The following TP53I13 variants were observed in gnomAD, a reference collection of about 807,000 sequenced individuals.
The protein encoded by TP53I13 is tumor protein p53 inducible protein 13.
A neutral mutation model predicts 39.1 loss-of-function variants in TP53I13; 27 were observed. The observed-to-expected ratio is 0.69, with a 90% CI of 0.51 to 0.95. The LOEUF is 0.95. Among genes scored for constraint, TP53I13 ranks in the 40% least tolerant of loss-of-function variants. The pLI is 0.00. For missense variants in TP53I13, 544 were observed against 520.4 expected, an observed-to-expected ratio of 1.05 and a Z score of -0.44; for synonymous variants, 230 against 224.6, an observed-to-expected ratio of 1.02 and a Z score of -0.22.
chr17:29,578,446 G>A, the TP53I13 span: 2 of 1,389,142 alleles, frequency 1.4e-6, no homozygotes, highest in Non-Finnish European at 1.0e-6. Flanking sequence ...CCAGCATGTT[G>A]TGAGCCTTGG....
the TP53I13 span, chr17:29,578,611 G>A: frequency 2.1e-6 from 2 of 966,584 alleles, no homozygotes; most frequent in Middle Eastern, 2.6e-4. Flanking sequence ...GGCCAGTGAG[G>A]GGACAGGTCA....
the TP53I13 span, chr17:29,581,179 G>A: frequency 1.5e-6 from 1 of 651,114 alleles, no homozygotes; most frequent in Non-Finnish European, 2.8e-6. The surrounding 1 kb of genome is among the most constrained non-coding windows in gnomAD (Gnocchi z 4.8). Flanking sequence ...ACCTGCCTTG[G>A]GGCCCAGCAT....
At chr17:29,574,393 G>A (rs181408672), downstream of TP53I13, 293 of 406,652 alleles carry the variant, frequency 7.2e-4, 2 homozygotes, top group African/African-American at 5.6e-3. Context: ...CCCCTTTGCT[G>A]AGGGTGCCCT....
upstream of TP53I13, chr17:29,568,680 G>C (rs2032796237): frequency 1.0e-6 from 1 of 955,722 alleles, no homozygotes; most frequent in South Asian, 4.7e-5. The surrounding 1 kb of genome is among the most constrained non-coding windows in gnomAD (Gnocchi z 4.5). Context: ...CGGGGGCGCT[G>C]GGGCTGGAGG....
Position 29,572,682 on chromosome 17 carries a change from C to T in TP53I13, c.1054C>T (p.Gln352Ter). 1 of 1,563,614 alleles carries T rather than the reference C, an allele frequency of 6.4e-7. No homozygotes were observed. The highest frequency in any genetic ancestry group is 8.7e-7 in the Non-Finnish European group (1 of 1,154,252). The change falls in exon 6 of 7, where the codon CAG becomes TAG. Residue 352 changes from glutamine (Q) to a stop codon, truncating the protein, a stop_gained. Transcript: ENST00000301057. LOFTEE classifies it high-confidence loss of function. ...CTACTGGGGGCCCACAGCGGACAGCCAGGACACAGTGGCTGGTGAGGAGTT... is the reference window on the plus strand; with the variant it reads ...CTACTGGGGGCCCACAGCGGACAGCTAGGACACAGTGGCTGGTGAGGAGTT... ...SIYWGPTADS[Q>*]DTVAAVLKRR... is the part of the protein sequence containing the mutation.
chr17:29,579,933 T>G, the TP53I13 span, among the ~76,000 whole-genome samples: 1 of 152,150 alleles, frequency 6.6e-6, no homozygotes, highest in Non-Finnish European at 1.5e-5. Flanking sequence ...TCACTGCTCC[T>G]GCTGATGCTC....
In TP53I13 at chr17:29,572,402, G is replaced by A. The variant is rs1367776873; in HGVS notation, c.774G>A (p.Ala258=). The change falls in exon 6 of 7, where the codon GCG becomes GCA. Residue 258 remains alanine (A), a synonymous_variant. Coordinates refer to ENST00000301057, the MANE Select transcript of TP53I13 (RefSeq NM_138349.4). ...SVPTVSLLPG[A]PGGNASSRTE... is the part of the protein sequence containing the mutation. ...CCACTGTCTCCCTGCTGCCGGGGGC[G>A]CCTGGAGGCAATGCCAGCTCCAGGA... 3.1e-6 allele frequency: 5 copies of A among 1,593,366 alleles called. No individual in the cohort carries two copies. The highest frequency in any genetic ancestry group is 1.7e-4 in the Middle Eastern group (1 of 5,994).
chr17:29,575,407 G>A, downstream of TP53I13: 1 of 1,613,280 alleles, frequency 6.2e-7, no homozygotes, highest in Non-Finnish European at 8.5e-7. This position sits in a 1 kb window ranked among gnomAD's most constrained non-coding sequence, Gnocchi z 5.5. Context: ...CTCCATCCAG[G>A]CTTTCCAGCT....
rs1399766263 is a variant in TP53I13, at chr17:29,568,969, C to G, written c.73-49C>G. The G allele has an allele frequency of 6.3e-7, 1 of 1,589,624 alleles. No individual in the cohort carries two copies. On this transcript the variant is annotated intron_variant, in intron 1 of 6. Coordinates refer to ENST00000301057, the MANE Select transcript of TP53I13 (RefSeq NM_138349.4). The surrounding 1 kb of genome is among the most constrained non-coding windows in gnomAD (Gnocchi z 4.5). ...GGGCTGGGCCTGGGGAGAGAGAGGG[C>G]AGGGCCTCGCCGCGTCCAGCGCCCC...
downstream of TP53I13, chr17:29,573,232 G>GT: frequency 3.4e-6 from 1 of 290,300 alleles, no homozygotes. Flanking sequence ...TGGAGGTGGT[G>GT]TTTGAGGCAG....
At chr17:29,569,452 C>T in intron 3 of TP53I13, 93 bp downstream of exon 3, 1 of 1,238,710 alleles carries the variant, frequency 8.1e-7, no homozygotes, top group South Asian at 1.3e-5. Context: ...TGATCGGCCC[C>T]ATTCCTTACC....
downstream of TP53I13, chr17:29,576,098 C>A (rs748760392): frequency 1.2e-6 from 2 of 1,613,646 alleles, no homozygotes; most frequent in South Asian, 1.1e-5. Context: ...CCAGCAGGGA[C>A]GTGCACTGAA....
downstream of TP53I13, chr17:29,577,114 C>T: frequency 6.2e-7 from 1 of 1,609,972 alleles, no homozygotes; most frequent in Non-Finnish European, 8.5e-7. Context: ...GCTTCCCACA[C>T]CCTCCCACAC....
chr17:29,566,739 C>A, upstream of TP53I13: 2 of 1,558,848 alleles, frequency 1.3e-6, no homozygotes, highest in Non-Finnish European at 8.6e-7. Context: ...CCAGGGCCGA[C>A]GGCTTGCAAA....
downstream of TP53I13, chr17:29,574,879 C>T (rs1156897610): frequency 1.9e-6 from 3 of 1,579,590 alleles, no homozygotes; most frequent in Middle Eastern, 1.7e-4. Flanking sequence ...CGTTGAGCAG[C>T]CGCAGTGAGC....
At chr17:29,579,094 C>T in the TP53I13 span, 11 of 945,662 alleles carry the variant, frequency 1.2e-5, no homozygotes, top group Admixed American at 8.9e-5. Context: ...CCCATCTCCA[C>T]GCACACCCGG....
At chr17:29,576,078 C>T, downstream of TP53I13, 1 of 1,613,670 alleles carries the variant, frequency 6.2e-7, no homozygotes, top group African/African-American at 1.3e-5. Context: ...CCAGGCTTAC[C>T]CGGTAAAGGC....
At chr17:29,582,082 A>G in the TP53I13 span, 1 of 1,606,886 alleles carries the variant, frequency 6.2e-7, no homozygotes, top group South Asian at 1.1e-5. Context: ...TGGCCTGGGC[A>G]CCCAGGGAGA....
In TP53I13 at chr17:29,569,051, C is replaced by T; in HGVS notation, c.106C>T (p.His36Tyr). The T allele has an allele frequency of 6.2e-7, 1 of 1,605,880 alleles. No individual in the cohort carries two copies. Among genetic ancestry groups the T allele is most frequent in the Non-Finnish European group, 8.5e-7 (1 of 1,177,142 alleles). Residue 36 changes from histidine to tyrosine, a missense_variant, in exon 2 of 7, where the codon CAT (histidine) becomes TAT (tyrosine). Coordinates refer to ENST00000301057, the MANE Select transcript of TP53I13 (RefSeq NM_138349.4). ...TGGACCGGCGGAGGAGGCGGGAGCC[C>T]ATTGTCCCGAGAGCCTGTGGCCTCT... Reference protein sequence around the residue: ...MAGPAEEAGAHCPESLWPLPP... With the variant: ...MAGPAEEAGAYCPESLWPLPP...
Sources: gnomAD v4.1 joint callset for allele counts (sites outside exome capture counted in the v4.1 genomes callset) on GRCh38, gnomAD v4.1.1 for gene constraint, Gnocchi (gnomAD v3.1) non-coding constraint, MANE v1.5 for transcripts, NCBI Gene and HGNC (gene_info 2026-07-23, HGNC 2026-07-21) for gene names.